BRAF: variants seen among roughly 807,000 people sequenced by gnomAD.
BRAF encodes B-Raf proto-oncogene, serine/threonine kinase.
BRAF carries 16 observed loss-of-function variants against 104.6 expected under a neutral mutation model. That is an observed-to-expected ratio of 0.15 (90% CI 0.10 to 0.23). The LOEUF (loss-of-function observed/expected upper bound fraction) is 0.23, where lower values mean the gene tolerates loss of function less well. Ranked by LOEUF, BRAF falls within the 10% of genes least tolerant of loss-of-function variation. The pLI is 1.00. For missense variants in BRAF, 541 were observed against 937.3 expected (o/e 0.58, Z 5.52); for synonymous variants, 310 against 341.6 (o/e 0.91, Z 1.02).
intron 1 of BRAF, among the ~76,000 whole-genome samples, chr7:140,857,236 T>C (rs1809885885): frequency 1.3e-5 from 2 of 152,212 alleles, no homozygotes; most frequent in African/African-American, 4.8e-5. Context: ...CTGAAGATGC[T>C]ACACTGCTGA....
At chr7:140,856,604 A>G (rs1809811829) in intron 1 of BRAF, among the ~76,000 whole-genome samples, 1 of 152,178 alleles carries the variant, frequency 6.6e-6, no homozygotes, top group African/African-American at 2.4e-5. Flanking sequence ...GTAACGTAAA[A>G]CAGATTACTG....
rs60187661 is a variant in BRAF at position 140,721,295 on chromosome 7, A to AT, written c.*5198dup. ...GAGTTGCCGACTAATTGCCCCATGC[A>AT]TTTTTTTTTTTTAAAGCACTGTTAC... On this transcript the variant is annotated 3_prime_UTR_variant, in exon 20 of 20. Coordinates refer to ENST00000644969, the MANE Select transcript of BRAF (RefSeq NM_001374258.1). 7.4e-3 allele frequency: 6,276 copies of AT among 850,672 alleles called. 1 individual carries two copies. Among genetic ancestry groups the AT allele is most frequent in the East Asian group, 0.015 (294 of 19,992 alleles). 52.7% of individuals were successfully genotyped at this position (850,672 alleles called of 1,614,324 possible).
chr7:140,860,468 AAAAAAAAAAAAAAG>A (rs1810292786), intron 1 of BRAF, among the ~76,000 whole-genome samples: 1 of 140,730 alleles, frequency 7.1e-6, no homozygotes, highest in East Asian at 1.9e-4. Flanking sequence ...ATCTCTAGAA[AAAAAAAAAAAAAAG>A]AAAAAAAAGA....
chr7:140,816,352 G>A (rs1804882709), intron 3 of BRAF, among the ~76,000 whole-genome samples: 2 of 152,090 alleles, frequency 1.3e-5, no homozygotes, highest in Admixed American at 6.5e-5. Flanking sequence ...AAAAGGAGAG[G>A]GAAGGTCTAG....
intron 1 of BRAF, among the ~76,000 whole-genome samples, chr7:140,887,045 C>T (rs1025882144): frequency 1.3e-5 from 2 of 152,198 alleles, no homozygotes; most frequent in African/African-American, 4.8e-5. Flanking sequence ...GAGGAATACT[C>T]TCACAACTAC....
At chr7:140,860,465 G>GAAAAAAAAA (rs746617365) in intron 1 of BRAF, among the ~76,000 whole-genome samples, 10 of 62,110 alleles carry the variant, frequency 1.6e-4, no homozygotes, top group Non-Finnish European at 1.7e-4. Context: ...CCCATCTCTA[G>GAAAAAAAAA]AAAAAAAAAA....
chr7:140,738,719 C>T (rs919726820), intron 18 of BRAF, among the ~76,000 whole-genome samples: 1 of 152,090 alleles, frequency 6.6e-6, no homozygotes, highest in African/African-American at 2.4e-5. Context: ...TGGGTTCAAG[C>T]GATTCTCATG....
chr7:140,893,070 CTGAA>C (rs1441017775), intron 1 of BRAF, among the ~76,000 whole-genome samples: 1 of 152,088 alleles, frequency 6.6e-6, no homozygotes, highest in African/African-American at 2.4e-5. Context: ...TTCATCCTGA[CTGAA>C]TGATTGGCTT....
At chr7:140,760,200 G>T (rs1325522247) in intron 14 of BRAF, among the ~76,000 whole-genome samples, 4 of 152,124 alleles carry the variant, frequency 2.6e-5, no homozygotes, top group African/African-American at 4.8e-5. Flanking sequence ...ACCACTTGAG[G>T]TCAGGAGTTC....
At position 140,719,587 on chromosome 7, in the gene BRAF, C is replaced by A; in HGVS notation, c.*6907G>T. ...AAGGGACCTGAGCAGGAAAGAGAAC[C>A]AAAGTATCAGGAAGTGGGTATGGGG... On this transcript the variant is annotated 3_prime_UTR_variant, in exon 20 of 20. Coordinates refer to ENST00000644969, the MANE Select transcript of BRAF (RefSeq NM_001374258.1). 3 of 1,059,080 alleles carry A rather than the reference C, an allele frequency of 2.8e-6. No homozygotes were observed. Among genetic ancestry groups the A allele is most frequent in the Non-Finnish European group, 3.4e-6 (3 of 875,078 alleles). 65.6% of individuals were successfully genotyped at this position (1,059,080 alleles called of 1,614,324 possible). A position where few individuals can be genotyped will look rare whatever the true frequency, so the allele number is the denominator to read the frequency against.
chr7:140,748,160 G>A (rs978857773), intron 17 of BRAF, among the ~76,000 whole-genome samples: 1 of 152,144 alleles, frequency 6.6e-6, no homozygotes, highest in East Asian at 1.9e-4. Context: ...TTATTTCTCC[G>A]ATATCACAAT....
chr7:140,882,713 C>T (rs989395859), intron 1 of BRAF, among the ~76,000 whole-genome samples: 1 of 147,218 alleles, frequency 6.8e-6, no homozygotes, highest in African/African-American at 2.5e-5. Flanking sequence ...CTATCTTTGG[C>T]TGGGCGCGGT....
At chr7:140,788,999 A>C (rs998456531) in intron 8 of BRAF, among the ~76,000 whole-genome samples, 9 of 151,738 alleles carry the variant, frequency 5.9e-5, no homozygotes, top group African/African-American at 2.2e-4. Context: ...TCACGAGGTT[A>C]GGAGTTTGAG....
At chr7:140,884,427 A>ATGTGTGTGTG (rs1491354147) in intron 1 of BRAF, among the ~76,000 whole-genome samples, 56 of 114,656 alleles carry the variant, frequency 4.9e-4, no homozygotes, top group Admixed American at 1.5e-3. Context: ...TATATATAAG[A>ATGTGTGTGTG]TATGTGTGTG....
intron 18 of BRAF, among the ~76,000 whole-genome samples, chr7:140,735,907 T>A (rs950551637): frequency 1.1e-4 from 17 of 152,054 alleles, no homozygotes; most frequent in African/African-American, 4.1e-4. Context: ...ATCTTTATGA[T>A]GATTAGTATA....
chr7:140,909,340 G>T (rs1329327653), intron 1 of BRAF, among the ~76,000 whole-genome samples: 1 of 152,112 alleles, frequency 6.6e-6, no homozygotes. Flanking sequence ...CAGGAGAATC[G>T]CTTGAACCCG....
chr7:140,763,955 G>C (rs547733675), intron 14 of BRAF, among the ~76,000 whole-genome samples: 33 of 152,294 alleles, frequency 2.2e-4, no homozygotes, highest in Non-Finnish European at 3.5e-4. Flanking sequence ...TATGAGGCCA[G>C]AATCATCCTG....
chr7:140,768,519 G>T (rs1257029427), intron 14 of BRAF, among the ~76,000 whole-genome samples: 2 of 152,022 alleles, frequency 1.3e-5, no homozygotes, highest in Admixed American at 1.3e-4. Context: ...TTGAGTCAGG[G>T]TCTCACTTTG....
chr7:140,915,861 A>G (rs1817570261), intron 1 of BRAF, among the ~76,000 whole-genome samples: 1 of 151,676 alleles, frequency 6.6e-6, no homozygotes, highest in Non-Finnish European at 1.5e-5. Flanking sequence ...GTGTAGTTTC[A>G]AAATCGGCAA....
Sources: gnomAD v4.1 joint callset for allele counts (sites outside exome capture counted in the v4.1 genomes callset) on GRCh38, gnomAD v4.1.1 for gene constraint, MANE v1.5 for transcripts, NCBI Gene and HGNC (gene_info 2026-07-23, HGNC 2026-07-21) for gene names.